Variants in IRAG1 observed in about 807,000 individuals in gnomAD.
The protein encoded by IRAG1 is inositol 1,4,5-triphosphate receptor associated 1, also known as IP3R-associated cGMP kinase substrate.
A neutral mutation model predicts 106.2 loss-of-function variants in IRAG1; 62 were observed. The ratio of observed to expected loss-of-function variants is 0.58; its 90% CI spans 0.48 to 0.72. The LOEUF (loss-of-function observed/expected upper bound fraction) is 0.72, where lower values mean the gene tolerates loss of function less well. Ranked by LOEUF, IRAG1 falls within the 30% of genes least tolerant of loss-of-function variation. IRAG1 has a pLI of 0.00. For missense variants in IRAG1, 1,064 were observed against 1,140.7 expected (o/e 0.93, Z 0.97); for synonymous variants, 462 against 443.9 (o/e 1.04, Z -0.51).
intron 4 of IRAG1, among the ~76,000 whole-genome samples, chr11:10,631,650 C>T (rs1054083617): frequency 6.6e-6 from 1 of 152,210 alleles, no homozygotes; most frequent in African/African-American, 2.4e-5. Flanking sequence ...GGCAGCCGGC[C>T]TTACACTCAG....
Position 10,627,978 on chromosome 11 carries a change from G to A in IRAG1, c.700C>T (p.Pro234Ser). The A allele has an allele frequency of 6.2e-7, 1 of 1,607,902 alleles. No individual in the cohort carries two copies. Among genetic ancestry groups the A allele is most frequent in the Non-Finnish European group, 8.5e-7 (1 of 1,175,840 alleles). Residue 234 changes from proline to serine, a missense_variant, in exon 7 of 21, where the codon CCA becomes TCA. Physicochemically the swap from Pro to Ser is moderately conservative, Grantham distance 74. Transcript: ENST00000423302. ...CAGGTGGGGGGTCCTGTCACCTGTG[G>A]TGGTGCTCCAGGCAGAGGGGATGGC... ...GPPSPLPGAP[P>S]QKGDEADVSS...
At chr11:10,608,254 A>C (rs2134383660) in intron 11 of IRAG1, among the ~76,000 whole-genome samples, 1 of 152,260 alleles carries the variant, frequency 6.6e-6, no homozygotes, top group African/African-American at 2.4e-5. Flanking sequence ...CCACCAGAGT[A>C]GCTGGGACTA....
At chr11:10,680,264 A>C (rs1378937604) in intron 1 of IRAG1, among the ~76,000 whole-genome samples, 2 of 136,272 alleles carry the variant, frequency 1.5e-5, no homozygotes, top group African/African-American at 2.7e-5. Context: ...CAAGAATGAA[A>C]CTGAGGAAAG....
intron 1 of IRAG1, among the ~76,000 whole-genome samples, chr11:10,683,484 G>A (rs1328817666): frequency 6.6e-6 from 1 of 152,110 alleles, no homozygotes; most frequent in Non-Finnish European, 1.5e-5. Flanking sequence ...CAGGAAGTAA[G>A]GATGTCCCTC....
intron 1 of IRAG1, among the ~76,000 whole-genome samples, chr11:10,670,247 C>T (rs1257276606): frequency 2.6e-5 from 4 of 152,240 alleles, no homozygotes; most frequent in Admixed American, 1.3e-4. Context: ...ACTATGTCAC[C>T]GTACTGTTTA....
At position 10,647,936 on chromosome 11, in the gene IRAG1, T is replaced by C. The variant is rs1182498722; in HGVS notation, c.225+4089A>G. On this transcript the variant is annotated intron_variant, in intron 2 of 20. Transcript: ENST00000423302. This position sits in a 1 kb window ranked among gnomAD's most constrained non-coding sequence, Gnocchi z 4.3. Reference sequence around the variant, plus strand: ...CTGCATCTGTAGGATTTCACCCCACTATAGGTTGTATGGAGGGCAGAACCG... The same window carrying C: ...CTGCATCTGTAGGATTTCACCCCACCATAGGTTGTATGGAGGGCAGAACCG... Among the ~76,000 whole-genome samples, 1 of 152,126 alleles carries C rather than the reference T, an allele frequency of 6.6e-6. No individual in the cohort carries two copies. The highest frequency in any genetic ancestry group is 2.4e-5 in the African/African-American group (1 of 41,408).
chr11:10,606,766 AG>A lies in IRAG1; in HGVS notation c.1577del (p.Pro526LeufsTer39). On this transcript the variant is annotated frameshift_variant, in exon 12 of 21. Coordinates refer to ENST00000423302, the MANE Select transcript of IRAG1 (RefSeq NM_130385.4). LOFTEE classifies it high-confidence loss of function. ...CCTCAACTTCCTTTTCAGTGAGTGG[AG>A]GGGCACTGTGAAAAAGAAAACACAC... ...RVHRSLPGSA[P>X]PLTEKEVENV... The A allele has an allele frequency of 6.3e-7, 1 of 1,590,136 alleles. No homozygotes were observed. Among genetic ancestry groups the A allele is most frequent in the Non-Finnish European group, 8.6e-7 (1 of 1,167,348 alleles).
At chr11:10,670,812 A>C (rs984732819) in intron 1 of IRAG1, among the ~76,000 whole-genome samples, 3 of 152,246 alleles carry the variant, frequency 2.0e-5, no homozygotes, top group Non-Finnish European at 4.4e-5. Context: ...GAAAGACCAT[A>C]TGAGGACACA....
chr11:10,629,079 G>A (rs1856494044), intron 5 of IRAG1, among the ~76,000 whole-genome samples: 1 of 152,068 alleles, frequency 6.6e-6, no homozygotes, highest in African/African-American at 2.4e-5. Context: ...TGCCTGGCCT[G>A]ACCTCAAGGC....
Position 10,604,660 on chromosome 11 carries a change from G to A in IRAG1, c.1603-115C>T, listed in dbSNP as rs911776706. 5 of 1,254,418 alleles carry A rather than the reference G, an allele frequency of 4.0e-6. No individual in the cohort carries two copies. The African/African-American group carries it at 6.0e-5, about 15-fold the overall frequency. The allele number at this position is 1,254,418 out of a possible 1,614,324, so 77.7% of individuals were successfully genotyped here. On this transcript the variant is annotated intron_variant, in intron 12 of 20. Coordinates refer to ENST00000423302, the MANE Select transcript of IRAG1 (RefSeq NM_130385.4). ...AACGGCCCCTGGAACAGCCGCCAAA[G>A]CACCAAAGCAGCCATGTGCAAGGGA... is the stretch of plus-strand genomic sequence containing the variant.
chr11:10,624,250 G>A (rs1236001524), intron 9 of IRAG1, among the ~76,000 whole-genome samples: 2 of 151,784 alleles, frequency 1.3e-5, no homozygotes, highest in Non-Finnish European at 2.9e-5. Flanking sequence ...GCTGCTCCTG[G>A]AAACAGCTTT....
chr11:10,586,744 C>T (rs1487280994), intron 18 of IRAG1, among the ~76,000 whole-genome samples: 2 of 152,140 alleles, frequency 1.3e-5, no homozygotes, highest in African/African-American at 2.4e-5. Flanking sequence ...GCTGCCACCG[C>T]ACCTCTGTGA....
chr11:10,597,475 A>T (rs1853456195), intron 15 of IRAG1, among the ~76,000 whole-genome samples: 2 of 152,004 alleles, frequency 1.3e-5, no homozygotes, highest in Admixed American at 1.3e-4. Flanking sequence ...ACAGGTGCCC[A>T]CCACCACATC....
intron 1 of IRAG1, among the ~76,000 whole-genome samples, chr11:10,661,881 T>A (rs1358070029): frequency 1.3e-5 from 2 of 152,310 alleles, no homozygotes; most frequent in East Asian, 3.9e-4. Flanking sequence ...GGGGGAGTAT[T>A]CAGCCTACTG....
At chr11:10,652,729 G>A (rs750747623) in intron 1 of IRAG1, among the ~76,000 whole-genome samples, 17 of 152,146 alleles carry the variant, frequency 1.1e-4, no homozygotes, top group Non-Finnish European at 2.5e-4. Context: ...GGCTTTTTCT[G>A]CTATACTACA....
At chr11:10,624,459 T>C (rs760087801) in intron 9 of IRAG1, among the ~76,000 whole-genome samples, 6 of 152,070 alleles carry the variant, frequency 3.9e-5, no homozygotes, top group Non-Finnish European at 8.8e-5. Flanking sequence ...CGGGGAGAGA[T>C]GGGATGTGGC....
intron 17 of IRAG1, 76 bp from the exon 18 acceptor site, chr11:10,591,688 G>A: frequency 1.5e-6 from 2 of 1,311,608 alleles, no homozygotes; most frequent in Non-Finnish European, 1.1e-6. Flanking sequence ...GATTTCTGAT[G>A]ATGCTGGGAG....
chr11:10,582,229 G>A (rs978857195), intron 18 of IRAG1, among the ~76,000 whole-genome samples: 5 of 152,054 alleles, frequency 3.3e-5, no homozygotes, highest in Admixed American at 6.5e-5. Flanking sequence ...TCCCAAACTG[G>A]CGTTTATTCT....
At chr11:10,604,683 G>A (rs1854330482) in intron 12 of IRAG1, 138 bp from the exon 13 acceptor site, 1 of 1,046,340 alleles carries the variant, frequency 9.6e-7, no homozygotes, top group Non-Finnish European at 1.4e-6. Context: ...CATGTGCAAG[G>A]GAAACGCTCA....
Sources: allele counts gnomAD v4.1 joint callset (sites outside exome capture counted in the v4.1 genomes callset), GRCh38; gene constraint gnomAD v4.1.1; non-coding constraint Gnocchi (gnomAD v3.1); transcripts MANE v1.5; gene names NCBI Gene and HGNC (gene_info 2026-07-23, HGNC 2026-07-21).